Variants in FAM120B observed in about 807,000 individuals in gnomAD.
FAM120B encodes constitutive coactivator of peroxisome proliferator-activated receptor gamma.
A neutral mutation model predicts 96.3 loss-of-function variants in FAM120B; 83 were observed. The observed-to-expected ratio is 0.86, with a 90% CI of 0.72 to 1.03. The LOEUF (loss-of-function observed/expected upper bound fraction) is 1.03. FAM120B is among the 50% of genes least tolerant of loss of function. The pLI is 0.00. For missense variants in FAM120B, 1,027 were observed against 1,121.2 expected, an observed-to-expected ratio of 0.92 and a Z score of 1.20; for synonymous variants, 407 against 402.7, an observed-to-expected ratio of 1.01 and a Z score of -0.13.
At chr6:170,324,080 G>A (rs954412649) in intron 3 of FAM120B, among the ~76,000 whole-genome samples, 2 of 152,174 alleles carry the variant, frequency 1.3e-5, no homozygotes, top group Admixed American at 1.3e-4. Context: ...TAGGATACTG[G>A]TGCAGGTGGT....
intron 6 of FAM120B, among the ~76,000 whole-genome samples, chr6:170,371,761 G>A (rs1051291477): frequency 1.3e-5 from 2 of 152,348 alleles, no homozygotes; most frequent in South Asian, 2.1e-4. Context: ...GCCTTGAAGA[G>A]TGTCTGCCAT....
At chr6:170,296,099 C>T (rs1783996064) in intron 1 of FAM120B, among the ~76,000 whole-genome samples, 1 of 152,274 alleles carries the variant, frequency 6.6e-6, no homozygotes, top group East Asian at 1.9e-4. Flanking sequence ...CCGGCGGGCA[C>T]GCCTTTGTCC....
In FAM120B at chr6:170,318,424, C is replaced by A. The variant is rs879923703; in HGVS notation, c.1034C>A (p.Ser345Ter). ...AESREEVPMC[S>*]DAESRQEVPM... Reference sequence around the variant, plus strand: ...TCCAGGGAAGAAGTTCCCATGTGTTCAGATGCTGAATCCAGGCAAGAAGTT... The same window carrying A: ...TCCAGGGAAGAAGTTCCCATGTGTTAAGATGCTGAATCCAGGCAAGAAGTT... The change falls in exon 2 of 11, where the codon TCA becomes TAA. Residue 345 changes from serine (S) to a stop codon, truncating the protein, a stop_gained. Coordinates refer to ENST00000476287, the MANE Select transcript of FAM120B (RefSeq NM_032448.3). LOFTEE classifies it high-confidence loss of function. The A allele has an allele frequency of 1.9e-6, 3 of 1,614,262 alleles. No individual in the cohort carries two copies. The highest frequency in any genetic ancestry group is 1.7e-5 in the Admixed American group (1 of 60,034).
chr6:170,397,068 C>T (rs1236160710), intron 9 of FAM120B, among the ~76,000 whole-genome samples: 1 of 152,244 alleles, frequency 6.6e-6, no homozygotes, highest in Non-Finnish European at 1.5e-5. Context: ...AGCTCAATGC[C>T]TGTCCTGGGG....
At chr6:170,347,431 C>T (rs930906566) in intron 4 of FAM120B, among the ~76,000 whole-genome samples, 8 of 152,098 alleles carry the variant, frequency 5.3e-5, no homozygotes, top group African/African-American at 1.7e-4. Context: ...CATCATTTGT[C>T]GTGGTTTCAG....
At chr6:170,375,685 A>G (rs1413171455) in intron 6 of FAM120B, among the ~76,000 whole-genome samples, 1 of 152,184 alleles carries the variant, frequency 6.6e-6, no homozygotes, top group African/African-American at 2.4e-5. Context: ...TACAGAGAAG[A>G]TATGGCAAGG....
At chr6:170,352,384 A>T (rs1317666375) in intron 5 of FAM120B, among the ~76,000 whole-genome samples, 1 of 152,218 alleles carries the variant, frequency 6.6e-6, no homozygotes, top group Non-Finnish European at 1.5e-5. Flanking sequence ...CAGAAAATTA[A>T]TAAAGACATT....
Position 170,317,412 on chromosome 6 carries a change from G to A in FAM120B, c.22G>A (p.Gly8Arg). Residue 8 changes from glycine (G) to arginine (R), a missense_variant, in exon 2 of 11, where the codon GGA becomes AGA. Transcript: ENST00000476287. ...AGTTATGGGTGTGAGAGGTTTGCAA[G>A]GATTTGTGGGAAGTACCTGCCCACA... MGVRGLQGFVGSTCPHIC... is the reference protein window; with the variant it reads MGVRGLQRFVGSTCPHIC... 6.2e-7 allele frequency: 1 copy of A among 1,610,296 alleles called. No homozygotes were observed. Among genetic ancestry groups the A allele is most frequent in the Non-Finnish European group, 8.5e-7 (1 of 1,176,714 alleles).
chr6:170,328,264 AT>A (rs1473608857), intron 3 of FAM120B, among the ~76,000 whole-genome samples: 1 of 152,040 alleles, frequency 6.6e-6, no homozygotes, highest in Admixed American at 6.6e-5. Context: ...GAAACTTTTA[AT>A]TTTTTTAAAC....
intron 1 of FAM120B, among the ~76,000 whole-genome samples, chr6:170,296,623 G>GGGGGCCGGGGTCGGCGGGC (rs1784016720): frequency 6.6e-6 from 1 of 151,974 alleles, no homozygotes; most frequent in African/African-American, 2.4e-5. Context: ...TCGGAGCCCT[G>GGGGGCCGGGGTCGGCGGGC]GGGGCCGGGG....
chr6:170,373,179 T>G (rs995992781), intron 6 of FAM120B, among the ~76,000 whole-genome samples: 7 of 152,244 alleles, frequency 4.6e-5, no homozygotes, highest in African/African-American at 1.7e-4. Context: ...TCAGATGCCC[T>G]GGGACCCTGG....
chr6:170,330,812 G>A (rs1237407993), intron 4 of FAM120B: 1 of 448,272 alleles, frequency 2.2e-6, no homozygotes, highest in Admixed American at 3.9e-5. Context: ...GTCCACAGCA[G>A]TGGAGAGAGA....
intron 5 of FAM120B, among the ~76,000 whole-genome samples, chr6:170,349,278 C>G (rs1343297031): frequency 6.6e-6 from 1 of 152,250 alleles, no homozygotes; most frequent in Non-Finnish European, 1.5e-5. Flanking sequence ...CTCAGCTTCT[C>G]TGACCTCCCT....
chr6:170,398,245 T>C (rs1261332578), intron 9 of FAM120B, among the ~76,000 whole-genome samples: 1 of 152,278 alleles, frequency 6.6e-6, no homozygotes, highest in Non-Finnish European at 1.5e-5. Flanking sequence ...GCTCTGGAAT[T>C]CTGTGACTTT....
chr6:170,385,700 T>C (rs1293539982), intron 6 of FAM120B, among the ~76,000 whole-genome samples: 1 of 152,142 alleles, frequency 6.6e-6, no homozygotes, highest in Non-Finnish European at 1.5e-5. Flanking sequence ...GCAACCCTAT[T>C]CATAACTACC....
upstream of FAM120B, among the ~76,000 whole-genome samples, chr6:170,302,262 A>G (rs1784156121): frequency 6.6e-6 from 1 of 152,160 alleles, no homozygotes. Flanking sequence ...CGCAGGGGAA[A>G]AGCCCCTTAT....
At chr6:170,338,844 CTTTTT>C (rs61188907) in intron 4 of FAM120B, among the ~76,000 whole-genome samples, 204 of 85,416 alleles carry the variant, frequency 2.4e-3, no homozygotes, top group Non-Finnish European at 3.5e-3. Flanking sequence ...TTGCAACCTG[CTTTTT>C]TTTTTTTTTT....
chr6:170,296,860 G>A (rs1231394313), intron 1 of FAM120B, among the ~76,000 whole-genome samples: 1 of 152,180 alleles, frequency 6.6e-6, no homozygotes, highest in Non-Finnish European at 1.5e-5. Flanking sequence ...GGGGGTCGAG[G>A]CGTCGCACCT....
chr6:170,291,629 G>A (rs2114970140), upstream of FAM120B, among the ~76,000 whole-genome samples: 1 of 152,326 alleles, frequency 6.6e-6, no homozygotes, highest in South Asian at 2.1e-4. Flanking sequence ...GGAAGTTTGG[G>A]GAGGTCCGAG....
Sources: allele counts gnomAD v4.1 joint callset (sites outside exome capture counted in the v4.1 genomes callset), GRCh38; gene constraint gnomAD v4.1.1; transcripts MANE v1.5; gene names NCBI Gene and HGNC (gene_info 2026-07-23, HGNC 2026-07-21).